Variants in FMNL2 observed in about 807,000 individuals in gnomAD.
FMNL2 encodes the protein formin like 2.
FMNL2 carries 51 observed loss-of-function variants against 130.2 expected under a neutral mutation model. The observed-to-expected ratio is 0.39, with a 90% CI of 0.31 to 0.49. FMNL2 has a LOEUF of 0.49. FMNL2 is among the 20% of genes least tolerant of loss of function. The pLI, the probability that FMNL2 is intolerant of heterozygous loss-of-function variation, is 0.85. For synonymous variants in FMNL2, 465 were observed against 467.1 expected, an observed-to-expected ratio of 1.00 and a Z score of 0.06; for missense variants, 977 against 1,316.2, an observed-to-expected ratio of 0.74 and a Z score of 3.99.
intron 1 of FMNL2, among the ~76,000 whole-genome samples, chr2:152,404,967 A>G (rs759630590): frequency 6.6e-6 from 1 of 152,130 alleles, no homozygotes; most frequent in African/African-American, 2.4e-5. Flanking sequence ...CTCCAGTTTG[A>G]AAAACTGACG....
chr2:152,556,544 A>T (rs1248558946), intron 4 of FMNL2, among the ~76,000 whole-genome samples: 2 of 152,246 alleles, frequency 1.3e-5, no homozygotes, highest in African/African-American at 4.8e-5. Context: ...TTATCCCTGC[A>T]TTAAAACGTA....
chr2:152,635,149 A>G (rs1453447826), intron 21 of FMNL2, among the ~76,000 whole-genome samples: 1 of 152,174 alleles, frequency 6.6e-6, no homozygotes, highest in African/African-American at 2.4e-5. Context: ...CCACTTACCA[A>G]GCTTTTTCAC....
At chr2:152,556,444 T>A (rs1287312496) in intron 4 of FMNL2, among the ~76,000 whole-genome samples, 1 of 152,048 alleles carries the variant, frequency 6.6e-6, no homozygotes, top group African/African-American at 2.4e-5. Context: ...GAAAATTGTC[T>A]TTGAGGCCCT....
intron 1 of FMNL2, among the ~76,000 whole-genome samples, chr2:152,466,960 G>A (rs1421974125): frequency 6.6e-6 from 1 of 152,174 alleles, no homozygotes; most frequent in African/African-American, 2.4e-5. Context: ...GAAGATTTGA[G>A]GCTGTGAAAT....
chr2:152,348,979 T>C (rs13024504), intron 1 of FMNL2, among the ~76,000 whole-genome samples: 105,990 of 142,930 alleles, frequency 0.74, 42,514 homozygotes, highest in Admixed American at 0.85. Context: ...GGACTACAGG[T>C]GCCCGCCACC....
intron 2 of FMNL2, among the ~76,000 whole-genome samples, chr2:152,533,563 T>G (rs74483727): frequency 0.076 from 11,414 of 150,100 alleles, 714 homozygotes; most frequent in Admixed American, 0.21. Context: ...TTTTTTTTTT[T>G]TTTTGCTAAA....
chr2:152,390,710 C>T (rs1431877117), intron 1 of FMNL2: 5 of 722,892 alleles, frequency 6.9e-6, no homozygotes, highest in Admixed American at 3.7e-5. Flanking sequence ...CTTCTCTGGC[C>T]CTTGTGAGCC....
intron 6 of FMNL2, among the ~76,000 whole-genome samples, chr2:152,564,959 G>A (rs1017124839): frequency 6.6e-6 from 1 of 152,010 alleles, no homozygotes; most frequent in Non-Finnish European, 1.5e-5. Context: ...CTTGGCTAGA[G>A]GGAAACTGTT....
At chr2:152,354,466 A>G (rs1682678061) in intron 1 of FMNL2, among the ~76,000 whole-genome samples, 1 of 152,224 alleles carries the variant, frequency 6.6e-6, no homozygotes, top group Non-Finnish European at 1.5e-5. Context: ...CACAGAAAGA[A>G]GACATTACAG....
At chr2:152,647,720 C>A in intron 25 of FMNL2, 76 bp from the exon 26 acceptor site, 1 of 1,387,136 alleles carries the variant, frequency 7.2e-7, no homozygotes, top group Non-Finnish European at 1.0e-6. Flanking sequence ...TGATTGGCTG[C>A]CAGCTGGCCT....
At chr2:152,376,179 G>GCC (rs1370681053) in intron 1 of FMNL2, among the ~76,000 whole-genome samples, 2 of 152,084 alleles carry the variant, frequency 1.3e-5, no homozygotes, top group East Asian at 3.9e-4. Context: ...ACAGGCATGA[G>GCC]CCACTGTGTC....
chr2:152,541,761 G>A (rs1295018286), intron 2 of FMNL2, among the ~76,000 whole-genome samples: 1 of 151,950 alleles, frequency 6.6e-6, no homozygotes, highest in Non-Finnish European at 1.5e-5. Context: ...AATGAAATCA[G>A]GTGTTCTTCT....
At chr2:152,390,740 T>C in intron 1 of FMNL2, 1 of 674,306 alleles carries the variant, frequency 1.5e-6, no homozygotes, top group Non-Finnish European at 2.7e-6. Context: ...GGGGTAGGCA[T>C]GGGACTGGCC....
chr2:152,431,504 G>A (rs1222002083), intron 1 of FMNL2, among the ~76,000 whole-genome samples: 1 of 152,192 alleles, frequency 6.6e-6, no homozygotes, highest in Non-Finnish European at 1.5e-5. Context: ...CATTCTAGCT[G>A]CTGAAAAAAT....
At chr2:152,364,330 C>T (rs945801724) in intron 1 of FMNL2, among the ~76,000 whole-genome samples, 2 of 100,376 alleles carry the variant, frequency 2.0e-5, no homozygotes, top group Non-Finnish European at 3.7e-5. Flanking sequence ...ATTTAATCAA[C>T]AAATTTTGTT....
At chr2:152,484,430 A>G (rs971367504) in intron 1 of FMNL2, among the ~76,000 whole-genome samples, 4 of 151,940 alleles carry the variant, frequency 2.6e-5, no homozygotes, top group African/African-American at 9.7e-5. Flanking sequence ...ACTTGAGGCC[A>G]TGAGTTTGAG....
intron 25 of FMNL2, among the ~76,000 whole-genome samples, chr2:152,642,087 C>T (rs993975661): frequency 3.9e-5 from 6 of 152,082 alleles, no homozygotes; most frequent in African/African-American, 1.2e-4. Context: ...ACTACAGGCG[C>T]CCACCACCAC....
At chr2:152,610,411 C>T (rs181972457) in intron 10 of FMNL2, among the ~76,000 whole-genome samples, 2 of 152,206 alleles carry the variant, frequency 1.3e-5, no homozygotes, top group East Asian at 1.9e-4. Context: ...TAGGACACAG[C>T]GTCACCCCCC....
chr2:152,437,480 G>A (rs1212569765), intron 1 of FMNL2, among the ~76,000 whole-genome samples: 4 of 152,114 alleles, frequency 2.6e-5, no homozygotes, highest in Non-Finnish European at 5.9e-5. Context: ...CCCCCCCTGC[G>A]GTGAAAAAGA....
Sources: allele counts gnomAD v4.1 joint callset (sites outside exome capture counted in the v4.1 genomes callset), GRCh38; gene constraint gnomAD v4.1.1; transcripts MANE v1.5; gene names NCBI Gene and HGNC (gene_info 2026-07-23, HGNC 2026-07-21).